The following KLRF1 variants were observed in gnomAD, a reference collection of about 807,000 sequenced individuals.
KLRF1 encodes killer cell lectin-like receptor subfamily F member 1.
In KLRF1, 27 loss-of-function variants were observed where a neutral mutation model predicts 30.7. That is an observed-to-expected ratio of 0.88 (90% CI 0.65 to 1.21). KLRF1 has a LOEUF of 1.21. KLRF1 is among the 50% of genes most tolerant of loss of function. The pLI, the probability that KLRF1 is intolerant of heterozygous loss-of-function variation, is 0.00. For missense variants in KLRF1, 246 were observed against 259.3 expected (o/e 0.95, Z 0.35); for synonymous variants, 92 against 89.3 (o/e 1.03, Z -0.17).
the KLRF1 span, among the ~76,000 whole-genome samples, chr12:9,802,047 C>A: frequency 6.6e-6 from 1 of 151,930 alleles, no homozygotes; most frequent in South Asian, 2.1e-4. Flanking sequence ...AAGAAAACCT[C>A]AGGTCAATAT....
At chr12:9,817,293 C>T in the KLRF1 span, 1 of 194,070 alleles carries the variant, frequency 5.2e-6, no homozygotes, top group African/African-American at 2.4e-5. Flanking sequence ...GGATTTAGCT[C>T]ACACGAATAT....
upstream of KLRF1, among the ~76,000 whole-genome samples, chr12:9,825,589 G>C (rs143468327): frequency 3.3e-3 from 499 of 152,230 alleles, 2 homozygotes; most frequent in African/African-American, 0.011. Context: ...TACCATCCTG[G>C]ACACAGGAAT....
the KLRF1 span, among the ~76,000 whole-genome samples, chr12:9,805,888 TC>T: frequency 6.6e-6 from 1 of 152,080 alleles, no homozygotes; most frequent in Non-Finnish European, 1.5e-5. Context: ...CCTCTTTCAT[TC>T]CTGATTTTGG....
rs914845190 is a variant in KLRF1, at chr12:9,835,911, G to T, written c.334+2459G>T. Among the ~76,000 whole-genome samples, 13 of 152,074 alleles carry T rather than the reference G, an allele frequency of 8.5e-5. 1 individual carries two copies. Among genetic ancestry groups the T allele is most frequent in the Admixed American group, 7.9e-4 (12 of 15,258 alleles). On this transcript the variant is annotated intron_variant, in intron 3 of 5. Coordinates refer to ENST00000617889, the MANE Select transcript of KLRF1 (RefSeq NM_016523.3). ...TTGCTGATATGAAATGTCTGGGGAG[G>T]TCTTGCTGGACCTGTCTAGAAAGTA...
Position 9,832,468 on chromosome 12 carries a change from C to T in KLRF1, c.184+54C>T. ...AAATATGAAAGATGTTTACTTGTCT[C>T]TTATAAATCTTTTTATAATTATTCA... On this transcript the variant is annotated intron_variant, in intron 2 of 5. Coordinates refer to ENST00000617889, the MANE Select transcript of KLRF1 (RefSeq NM_016523.3). 3.1e-6 allele frequency: 3 copies of T among 983,096 alleles called. No homozygotes were observed. In the Admixed American group the frequency reaches 6.1e-5, roughly 20 times the overall value. 60.9% of individuals were successfully genotyped at this position (983,096 alleles called of 1,614,324 possible). A position where few individuals can be genotyped will look rare whatever the true frequency, so the allele number is the denominator to read the frequency against.
At chr12:9,803,281 T>C in the KLRF1 span, among the ~76,000 whole-genome samples, 1,387 of 152,114 alleles carry the variant, frequency 9.1e-3, 22 homozygotes, top group African/African-American at 0.032. Context: ...AATCTGGACC[T>C]CTTCGTTGCA....
the KLRF1 span, among the ~76,000 whole-genome samples, chr12:9,812,367 G>GAAAAAAAAAAAAAAAAAAAAAAA: frequency 1.0e-5 from 1 of 95,808 alleles, no homozygotes. Context: ...GCCGTCTCAG[G>GAAAAAAAAAAAAAAAAAAAAAAA]AAAAAAAAAA....
intron 1 of KLRF1, among the ~76,000 whole-genome samples, chr12:9,829,288 G>A (rs1352470921): frequency 3.3e-5 from 5 of 152,112 alleles, no homozygotes; most frequent in African/African-American, 1.2e-4. Flanking sequence ...ATTCCATTGA[G>A]CATGCACAGT....
upstream of KLRF1, among the ~76,000 whole-genome samples, chr12:9,823,311 A>G (rs1018877652): frequency 6.6e-6 from 1 of 152,152 alleles, no homozygotes; most frequent in African/African-American, 2.4e-5. Context: ...CGCAATAAAA[A>G]TAGAAATCAA....
chr12:9,831,252 G>A (rs1370187047), intron 1 of KLRF1, among the ~76,000 whole-genome samples: 5 of 152,078 alleles, frequency 3.3e-5, no homozygotes, highest in African/African-American at 9.7e-5. Flanking sequence ...TCTCAGAAAT[G>A]TGGAGTATTC....
the KLRF1 span, among the ~76,000 whole-genome samples, chr12:9,820,680 C>T: frequency 0.074 from 11,230 of 152,254 alleles, 422 homozygotes; most frequent in Non-Finnish European, 0.084. Flanking sequence ...GCAGCACAAC[C>T]ACCCTGCCCC....
intron 1 of KLRF1, among the ~76,000 whole-genome samples, chr12:9,829,984 G>A (rs373920474): frequency 5.3e-5 from 8 of 152,066 alleles, no homozygotes; most frequent in African/African-American, 9.7e-5. Flanking sequence ...TAGCTTTTAC[G>A]TCTAAATTAC....
intron 5 of KLRF1, 126 bp from the exon 6 acceptor site, chr12:9,844,292 C>G: frequency 1.7e-6 from 1 of 579,434 alleles, no homozygotes; most frequent in Non-Finnish European, 3.1e-6. Flanking sequence ...GTTAGTGAAT[C>G]CAAGTATGTA....
chr12:9,840,773 A>G (rs1388463977), intron 3 of KLRF1, among the ~76,000 whole-genome samples: 1 of 152,120 alleles, frequency 6.6e-6, no homozygotes, highest in Non-Finnish European at 1.5e-5. Context: ...ACCAGTCAGA[A>G]TGGCTATTAT....
the KLRF1 span, among the ~76,000 whole-genome samples, chr12:9,814,545 G>C: frequency 2.0e-5 from 3 of 152,178 alleles, no homozygotes; most frequent in Non-Finnish European, 2.9e-5. Flanking sequence ...GTAGCTCCGC[G>C]TATGCTCCTG....
the KLRF1 span, among the ~76,000 whole-genome samples, chr12:9,816,436 A>C: frequency 6.6e-6 from 1 of 152,194 alleles, no homozygotes; most frequent in Admixed American, 6.5e-5. Context: ...CCCTCTTAAA[A>C]AACTGAATCC....
intron 5 of KLRF1, 75 bp downstream of exon 5, chr12:9,842,508 A>G: frequency 7.4e-7 from 1 of 1,353,838 alleles, no homozygotes; most frequent in Non-Finnish European, 1.0e-6. Flanking sequence ...ACCAAATTCA[A>G]CTCTGAAATA....
At chr12:9,822,864 A>C (rs1021075709), upstream of KLRF1, among the ~76,000 whole-genome samples, 1 of 152,218 alleles carries the variant, frequency 6.6e-6, no homozygotes, top group Admixed American at 6.5e-5. Context: ...AAAGATGAAA[A>C]AAGACAAAGA....
At chr12:9,823,186 G>A (rs1591748767), upstream of KLRF1, among the ~76,000 whole-genome samples, 1 of 144,272 alleles carries the variant, frequency 6.9e-6, no homozygotes, top group African/African-American at 2.6e-5. Context: ...ATCTAAAATT[G>A]ACCGCACAAT....
Sources: allele counts gnomAD v4.1 joint callset (sites outside exome capture counted in the v4.1 genomes callset), GRCh38; gene constraint gnomAD v4.1.1; transcripts MANE v1.5; gene names NCBI Gene and HGNC (gene_info 2026-07-23, HGNC 2026-07-21).